PDE9A: variants seen among roughly 807,000 people sequenced by gnomAD.
PDE9A encodes phosphodiesterase 9A, also known as high affinity cGMP-specific 3',5'-cyclic phosphodiesterase 9A.
A neutral mutation model predicts 87.4 loss-of-function variants in PDE9A; 60 were observed. The observed-to-expected ratio is 0.69, with a 90% CI of 0.56 to 0.85. The LOEUF (loss-of-function observed/expected upper bound fraction) is 0.85. PDE9A is among the 40% of genes least tolerant of loss of function. The pLI is 0.00. For missense variants in PDE9A, 665 were observed against 779.0 expected, an observed-to-expected ratio of 0.85 and a Z score of 1.74; for synonymous variants, 272 against 279.4, an observed-to-expected ratio of 0.97 and a Z score of 0.27.
intron 1 of PDE9A, among the ~76,000 whole-genome samples, chr21:42,684,802 C>G (rs901582718): frequency 1.3e-5 from 2 of 152,114 alleles, no homozygotes; most frequent in African/African-American, 4.8e-5. Flanking sequence ...CCACCTTTGA[C>G]CGACCGTTAC....
intron 3 of PDE9A, chr21:42,689,890 C>T (rs1224627804): frequency 1.0e-6 from 1 of 958,142 alleles, no homozygotes; most frequent in Non-Finnish European, 1.2e-6. Context: ...GAGACACACG[C>T]AGTTGAGGAT....
At position 42,730,334 on chromosome 21, in the gene PDE9A, T is replaced by C. The variant is rs183713867; in HGVS notation, c.263-1436T>C. 1.9e-3 allele frequency among the ~76,000 whole-genome samples: 296 copies of C among 152,320 alleles called. 1 individual carries two copies. Among genetic ancestry groups the C allele is most frequent in the African/African-American group, 6.8e-3 (281 of 41,568 alleles). ...CATTTTTCTTCTTCTTATCAAGTCA[T>C]AGAATGCTAAAGGCAGCGGGAATCT... On this transcript the variant is annotated intron_variant, in intron 4 of 19. Transcript: ENST00000291539.
intron 3 of PDE9A, chr21:42,689,610 C>T (rs986270461): frequency 1.2e-4 from 118 of 985,336 alleles, no homozygotes; most frequent in Admixed American, 6.1e-5. Context: ...TTTGAAACAG[C>T]GTGCAGAGAC....
Position 42,775,326 on chromosome 21 carries a change from G to A in PDE9A, c.*33G>A, listed in dbSNP as rs202110190. 784 of 1,605,210 alleles carry A rather than the reference G, an allele frequency of 4.9e-4. 4 individuals carry two copies. The African/African-American group carries it at 8.5e-3, about 17-fold the overall frequency. On this transcript the variant is annotated 3_prime_UTR_variant, in exon 20 of 20. Transcript: ENST00000291539. ...GGGGGGCGTGGCTGCAGTTCTGGAC[G>A]GGCTGGCCGAGCTGCGCGGGATCCT...
Position 42,659,960 on chromosome 21 carries a change from G to T in PDE9A, c.69+6077G>T, listed in dbSNP as rs2057363367. Among the ~76,000 whole-genome samples the T allele has an allele frequency of 6.6e-6, 1 of 152,248 alleles. No homozygotes were observed. Among genetic ancestry groups the T allele is most frequent in the South Asian group, 2.1e-4 (1 of 4,832 alleles). The stretch of plus-strand genomic sequence containing the variant: ...AGATGAAACGGGGACGAGCCGGGCA[G>T]CTGATCTCAGTGCAGCAACTGGGAC... On this transcript the variant is annotated intron_variant, in intron 1 of 19. Coordinates refer to ENST00000291539, the MANE Select transcript of PDE9A (RefSeq NM_002606.3). This position sits in a 1 kb window ranked among gnomAD's most constrained non-coding sequence, Gnocchi z 4.1.
chr21:42,682,483 C>A lies in PDE9A; in HGVS notation c.70-3709C>A, dbSNP rs971382349. 2.6e-5 allele frequency among the ~76,000 whole-genome samples: 4 copies of A among 152,302 alleles called. No individual in the cohort carries two copies. In the East Asian group the frequency reaches 7.7e-4, roughly 29 times the overall value. On this transcript the variant is annotated intron_variant, in intron 1 of 19. Transcript: ENST00000291539. Reference sequence around the variant, plus strand: ...CAAGAGTGCCACCATACCAAACAGGCCTTTTTCAGTTTGTTTTGCTGGAAG... The same window carrying A: ...CAAGAGTGCCACCATACCAAACAGGACTTTTTCAGTTTGTTTTGCTGGAAG...
chr21:42,745,153 G>A (rs2053708338), intron 8 of PDE9A, among the ~76,000 whole-genome samples: 1 of 152,208 alleles, frequency 6.6e-6, no homozygotes, highest in South Asian at 2.1e-4. Flanking sequence ...CAAGTGAAAG[G>A]GTCTCAGAGG....
chr21:42,762,193 A>G lies in PDE9A; in HGVS notation c.1196A>G (p.Asn399Ser). ...CAGATCCTCGCCGAGCCTGAGTGCA[A>G]CATCTTCTCCAACATCCCACCTGAT... ...AFQILAEPEC[N>S]IFSNIPPDGF... is the part of the protein sequence containing the mutation. The change falls in exon 14 of 20, where the codon AAC (asparagine) becomes AGC (serine). Residue 399 changes from asparagine (N) to serine (S), a missense_variant. Transcript: ENST00000291539. 6.2e-7 allele frequency: 1 copy of G among 1,614,132 alleles called. No individual in the cohort carries two copies.
chr21:42,752,354 C>T (rs1262220772), intron 9 of PDE9A, among the ~76,000 whole-genome samples: 1 of 152,180 alleles, frequency 6.6e-6, no homozygotes, highest in East Asian at 1.9e-4. Flanking sequence ...TCACTGCAAC[C>T]TCTGCCTCTT....
intron 15 of PDE9A, among the ~76,000 whole-genome samples, chr21:42,767,939 T>C (rs1308305438): frequency 6.6e-6 from 1 of 152,162 alleles, no homozygotes; most frequent in African/African-American, 2.4e-5. Context: ...CACAGGGCAG[T>C]GCTTCAGGGG....
intron 8 of PDE9A, among the ~76,000 whole-genome samples, chr21:42,748,529 T>C (rs1232128041): frequency 6.6e-6 from 1 of 152,218 alleles, no homozygotes; most frequent in Non-Finnish European, 1.5e-5. Context: ...GGAAATAGAT[T>C]GATTATTCTA....
chr21:42,740,755 G>GTATA (rs1555934793), intron 7 of PDE9A, among the ~76,000 whole-genome samples: 1 of 140,088 alleles, frequency 7.1e-6, no homozygotes, highest in Non-Finnish European at 1.5e-5. Flanking sequence ...TAGATAAACA[G>GTATA]GATAGATAGA....
chr21:42,728,685 T>A (rs2051396768), intron 4 of PDE9A, among the ~76,000 whole-genome samples: 1 of 152,164 alleles, frequency 6.6e-6, no homozygotes, highest in Admixed American at 6.5e-5. Flanking sequence ...GCATTTGGTA[T>A]CAGGGTAATA....
chr21:42,709,391 C>CA (rs1246397933), intron 4 of PDE9A, among the ~76,000 whole-genome samples: 3 of 152,176 alleles, frequency 2.0e-5, no homozygotes, highest in Non-Finnish European at 4.4e-5. Context: ...TGCAGCAAAC[C>CA]ACCATGACAC....
chr21:42,692,598 T>TCTTTCTGCAGCAGAAAGCCAGG lies in PDE9A; in HGVS notation c.218+4615_218+4636dup, dbSNP rs1220725723. Among the ~76,000 whole-genome samples, 3 of 151,966 alleles carry TCTTTCTGCAGCAGAAAGCCAGG rather than the reference T, an allele frequency of 2.0e-5. No homozygotes were observed. The highest frequency in any genetic ancestry group is 2.9e-5 in the Non-Finnish European group (2 of 67,962). ...TTGTGACGGAGGTGGGCCCCGAGAA[T>TCTTTCTGCAGCAGAAAGCCAGG]CTTTCTGCAGCAGAAAGCCAGGCTT... is the stretch of plus-strand genomic sequence containing the variant. On this transcript the variant is annotated intron_variant, in intron 3 of 19. Transcript: ENST00000291539. This position sits in a 1 kb window ranked among gnomAD's most constrained non-coding sequence, Gnocchi z 4.3.
chr21:42,654,343 C>T (rs1025046372), intron 1 of PDE9A, among the ~76,000 whole-genome samples: 4 of 152,058 alleles, frequency 2.6e-5, no homozygotes, highest in Non-Finnish European at 4.4e-5. Flanking sequence ...GAGGGGGACT[C>T]GGGCCGCTGC....
At chr21:42,684,358 C>T (rs2059328595) in intron 1 of PDE9A, among the ~76,000 whole-genome samples, 1 of 152,196 alleles carries the variant, frequency 6.6e-6, no homozygotes, top group Non-Finnish European at 1.5e-5. Flanking sequence ...ACATGGGAAC[C>T]GCTTTTTGTC....
Position 42,662,470 on chromosome 21 carries a change from C to A in PDE9A, c.69+8587C>A, listed in dbSNP as rs540422179. 2.0e-5 allele frequency among the ~76,000 whole-genome samples: 3 copies of A among 149,880 alleles called. No homozygotes were observed. The East Asian group carries it at 5.8e-4, about 29-fold the overall frequency. On this transcript the variant is annotated intron_variant, in intron 1 of 19. Coordinates refer to ENST00000291539, the MANE Select transcript of PDE9A (RefSeq NM_002606.3). ...CATACACACATATACACGCACACAC[C>A]CACCACACACACACACCATGCACAT...
intron 4 of PDE9A, among the ~76,000 whole-genome samples, chr21:42,718,331 G>C (rs1021379354): frequency 1.3e-5 from 2 of 151,918 alleles, no homozygotes; most frequent in African/African-American, 4.8e-5. Context: ...CATGGACTAT[G>C]AATTTACCTT....
Sources: allele counts gnomAD v4.1 joint callset (sites outside exome capture counted in the v4.1 genomes callset), GRCh38; gene constraint gnomAD v4.1.1; non-coding constraint Gnocchi (gnomAD v3.1); transcripts MANE v1.5; gene names NCBI Gene and HGNC (gene_info 2026-07-23, HGNC 2026-07-21).